The following SF3B1 variants were observed in gnomAD, a reference collection of about 807,000 sequenced individuals.
SF3B1 encodes pre-mRNA processing 10.
A neutral mutation model predicts 153.8 loss-of-function variants in SF3B1; 12 were observed. The observed-to-expected ratio is 0.08, with a 90% CI of 0.05 to 0.13. The LOEUF is 0.13. Ranked by LOEUF, SF3B1 falls within the 10% of genes least tolerant of loss-of-function variation. SF3B1 has a pLI of 1.00. For synonymous variants in SF3B1, 498 were observed against 525.2 expected (o/e 0.95, Z 0.71); for missense variants, 513 against 1,606.1 (o/e 0.32, Z 11.63).
rs536893993 is a variant in SF3B1, at chr2:197,395,411, T to C, written c.3539+645A>G. 3.9e-5 allele frequency among the ~76,000 whole-genome samples: 6 copies of C among 152,368 alleles called. No individual in the cohort carries two copies. The East Asian group carries it at 9.6e-4, about 24-fold the overall frequency. ...AAAAGTATTTGAATGGGCTCTGATT[T>C]GAGTAACTTATCTCTCCTGAAAAAT... On this transcript the variant is annotated intron_variant, in intron 23 of 24. Transcript: ENST00000335508.
intron 4 of SF3B1, chr2:197,419,039 A>T (rs1429198565): frequency 1.8e-5 from 17 of 968,184 alleles, no homozygotes; most frequent in Middle Eastern, 2.1e-4. Context: ...TAAAATCCTG[A>T]CTACAAATAA....
chr2:197,391,812 G>A lies in SF3B1; in HGVS notation c.*491C>T, dbSNP rs531567494. 2.5e-5 allele frequency: 4 copies of A among 157,690 alleles called. No homozygotes were observed. In the South Asian group the frequency reaches 8.2e-4, roughly 32 times the overall value. The allele number at this position is 157,690 out of a possible 1,614,324, so 9.8% of individuals were successfully genotyped here. ...TGCTGTCATTATTAACACAACAATG[G>A]AATTTTGACAAAGATGCCATCACTT... On this transcript the variant is annotated 3_prime_UTR_variant, in exon 25 of 25. Coordinates refer to ENST00000335508, the MANE Select transcript of SF3B1 (RefSeq NM_012433.4).
intron 22 of SF3B1, among the ~76,000 whole-genome samples, chr2:197,397,185 T>C (rs928725238): frequency 6.6e-6 from 1 of 152,202 alleles, no homozygotes; most frequent in Non-Finnish European, 1.5e-5. Context: ...TTGTTTTTTT[T>C]AGAGACAGGG....
At chr2:197,431,675 G>T (rs1288129557) in intron 1 of SF3B1, among the ~76,000 whole-genome samples, 7 of 151,970 alleles carry the variant, frequency 4.6e-5, no homozygotes, top group Admixed American at 4.6e-4. Context: ...GCTTCTAAAA[G>T]ACATCACAGA....
chr2:197,393,287 C>T (rs572307104), intron 23 of SF3B1, 99 bp from the exon 24 acceptor site: 18 of 770,648 alleles, frequency 2.3e-5, no homozygotes, highest in East Asian at 5.3e-5. Context: ...AAATATTCAC[C>T]GGCCCATTAG....
At chr2:197,425,990 T>G (rs377679426) in intron 1 of SF3B1, among the ~76,000 whole-genome samples, 2 of 151,818 alleles carry the variant, frequency 1.3e-5, no homozygotes, top group East Asian at 1.9e-4. Flanking sequence ...AGAGAGAGAC[T>G]GTCTCAGAAA....
At position 197,408,415 on chromosome 2, in the gene SF3B1, C is replaced by A. The variant is rs2085022336; in HGVS notation, c.1071G>T (p.Lys357Asn). ...TCATGGCTGGTGTGCCAATTGGTGT[C>A]TTTCCAGGGGTCAGAACTGGAGTGC... ...GGSTPVLTPG[K>N]TPIGTPAMNM... The change falls in exon 8 of 25, where the codon AAG (lysine) becomes AAT (asparagine). Residue 357 changes from lysine to asparagine, a missense_variant. Transcript: ENST00000335508. 1 of 1,614,186 alleles carries A rather than the reference C, an allele frequency of 6.2e-7. No homozygotes were observed. Among genetic ancestry groups the A allele is most frequent in the Non-Finnish European group, 8.5e-7 (1 of 1,180,032 alleles).
chr2:197,401,183 C>T lies in SF3B1; in HGVS notation c.2496+217G>A, dbSNP rs2084933857. ...CTAGCCAGATAAAGCACTGAATGTA[C>T]CAGACAAAAACATCAATTCACAGTT... On this transcript the variant is annotated intron_variant, in intron 17 of 24. Coordinates refer to ENST00000335508, the MANE Select transcript of SF3B1 (RefSeq NM_012433.4). The surrounding 1 kb of genome is among the most constrained non-coding windows in gnomAD (Gnocchi z 4.2). Among the ~76,000 whole-genome samples the T allele has an allele frequency of 6.6e-6, 1 of 152,076 alleles. No individual in the cohort carries two copies. Among genetic ancestry groups the T allele is most frequent in the South Asian group, 2.1e-4 (1 of 4,824 alleles).
In SF3B1 at chr2:197,397,744, C is replaced by T. The variant is rs183302016; in HGVS notation, c.3266+241G>A. 1.3e-3 allele frequency among the ~76,000 whole-genome samples: 193 copies of T among 151,982 alleles called. No homozygotes were observed. The East Asian group carries it at 0.032, about 25-fold the overall frequency. On this transcript the variant is annotated intron_variant, in intron 22 of 24. Transcript: ENST00000335508. ...CCTGGGAGGCGGTGGTTGCAGTGAG[C>T]CGAGATTGAATCACTGCATTCCAGC...
At chr2:197,409,713 G>A in intron 7 of SF3B1, 57 bp downstream of exon 7, 1 of 1,315,024 alleles carries the variant, frequency 7.6e-7, no homozygotes, top group East Asian at 2.3e-5. Context: ...ACACATTTCA[G>A]TCTGTAAACA....
At chr2:197,407,422 T>C (rs1401399137) in intron 9 of SF3B1, among the ~76,000 whole-genome samples, 1 of 152,100 alleles carries the variant, frequency 6.6e-6, no homozygotes, top group Non-Finnish European at 1.5e-5. Context: ...CTGGCCAGCA[T>C]GGCGAAACCC....
intron 1 of SF3B1, among the ~76,000 whole-genome samples, chr2:197,425,578 C>T (rs1231016984): frequency 9.5e-6 from 1 of 105,148 alleles, no homozygotes; most frequent in Non-Finnish European, 2.3e-5. Context: ...AAACCTCCCA[C>T]CCCCCCAGCT....
At chr2:197,404,634 CTACA>C (rs1183664452) in intron 11 of SF3B1, 7 of 152,144 alleles carry the variant, frequency 4.6e-5, no homozygotes, top group African/African-American at 1.7e-4. Flanking sequence ...ATCCTTCACA[CTACA>C]TAAATTTTTT....
At chr2:197,417,328 T>C (rs572054158) in intron 5 of SF3B1, among the ~76,000 whole-genome samples, 36 of 152,294 alleles carry the variant, frequency 2.4e-4, no homozygotes, top group Middle Eastern at 3.4e-3. Flanking sequence ...TGACAAATTA[T>C]GTAAATATGC....
At chr2:197,418,179 T>A (rs13396040) in intron 5 of SF3B1, among the ~76,000 whole-genome samples, 1 of 130,008 alleles carries the variant, frequency 7.7e-6, no homozygotes, top group Non-Finnish European at 1.5e-5. Flanking sequence ...GAGATTGCAG[T>A]GAGATGAGAT....
intron 2 of SF3B1, 49 bp downstream of exon 2, chr2:197,423,759 T>C (rs745525014): frequency 3.2e-6 from 5 of 1,566,300 alleles, no homozygotes; most frequent in African/African-American, 1.4e-5. Flanking sequence ...TTCATATTTC[T>C]TGCTCTCTCA....
At chr2:197,429,909 A>C (rs2085400794) in intron 1 of SF3B1, among the ~76,000 whole-genome samples, 1 of 152,200 alleles carries the variant, frequency 6.6e-6, no homozygotes, top group Non-Finnish European at 1.5e-5. Flanking sequence ...TAGGCCCCCT[A>C]ACATCTTGAT....
At chr2:197,424,035 G>C (rs1287405855) in intron 1 of SF3B1, 61 bp from the exon 2 acceptor site, 2 of 1,382,540 alleles carry the variant, frequency 1.4e-6, no homozygotes, top group Admixed American at 4.4e-5. Flanking sequence ...CCAACACAAT[G>C]CATTTCTTTA....
In SF3B1 at chr2:197,434,990, T is replaced by A. The variant is rs2085501052; in HGVS notation, c.10A>T (p.Ile4Phe). 3 of 1,614,230 alleles carry A rather than the reference T, an allele frequency of 1.9e-6. No individual in the cohort carries two copies. The East Asian group carries it at 6.7e-5, about 36-fold the overall frequency. Residue 4 changes from isoleucine to phenylalanine, a missense_variant, in exon 1 of 25, where the codon ATC becomes TTC. Ile to Phe is a conservative substitution (Grantham distance 21). Transcript: ENST00000335508. ...CGCTTACCTTCGTGAGTCTTGGCGA[T>A]CTTCGCCATTTTGTCCACTCGAACA... is the stretch of plus-strand genomic sequence containing the variant. MAK[I>F]AKTHEDIEAQ...
Sources: allele counts gnomAD v4.1 joint callset (sites outside exome capture counted in the v4.1 genomes callset), GRCh38; gene constraint gnomAD v4.1.1; non-coding constraint Gnocchi (gnomAD v3.1); transcripts MANE v1.5; gene names NCBI Gene and HGNC (gene_info 2026-07-23, HGNC 2026-07-21).